The following ZNF799 variants were observed in gnomAD, a reference collection of about 807,000 sequenced individuals.
ZNF799 encodes the protein zinc finger protein 14.
Under a neutral mutation model 41.0 loss-of-function variants are expected in ZNF799, and 28 were observed. The observed-to-expected ratio is 0.68, with a 90% confidence interval of 0.51 to 0.94. ZNF799 has a LOEUF of 0.94. ZNF799 is among the 40% of genes least tolerant of loss of function. ZNF799 has a pLI of 0.00. For synonymous variants in ZNF799, 213 were observed against 252.9 expected (o/e 0.84, Z 1.50); for missense variants, 716 against 764.3 (o/e 0.94, Z 0.74).
intron 1 of ZNF799, among the ~76,000 whole-genome samples, chr19:12,395,942 C>T (rs569563917): frequency 6.6e-6 from 1 of 152,362 alleles, no homozygotes; most frequent in South Asian, 2.1e-4. Flanking sequence ...GATGAACACA[C>T]ACTAAAGAAC....
chr19:12,397,578 AAAAG>A (rs930565021), intron 1 of ZNF799, among the ~76,000 whole-genome samples: 56 of 150,644 alleles, frequency 3.7e-4, no homozygotes, highest in Middle Eastern at 3.4e-3. Context: ...AAAAAAAAAA[AAAAG>A]AAAGAAAGAA....
At chr19:12,400,006 C>G (rs914880466) in intron 1 of ZNF799, among the ~76,000 whole-genome samples, 1 of 152,154 alleles carries the variant, frequency 6.6e-6, no homozygotes, top group East Asian at 1.9e-4. Flanking sequence ...AACAAGATGA[C>G]AAACTAGTGA....
the ZNF799 span, among the ~76,000 whole-genome samples, chr19:12,408,384 T>C: frequency 6.6e-6 from 1 of 152,124 alleles, no homozygotes; most frequent in South Asian, 2.1e-4. Flanking sequence ...ATAACACAAT[T>C]ACATATGTAC....
the ZNF799 span, among the ~76,000 whole-genome samples, chr19:12,408,745 A>G: frequency 1.3e-5 from 2 of 152,252 alleles, no homozygotes; most frequent in Non-Finnish European, 2.9e-5. Flanking sequence ...ATCAAAATGC[A>G]TAAGGTGGCT....
the ZNF799 span, among the ~76,000 whole-genome samples, chr19:12,412,034 C>T: frequency 1.1e-4 from 16 of 152,160 alleles, no homozygotes; most frequent in African/African-American, 3.9e-4. Flanking sequence ...CCAGATATCT[C>T]CCTTACGTAA....
chr19:12,412,238 C>A, the ZNF799 span, among the ~76,000 whole-genome samples: 1 of 152,162 alleles, frequency 6.6e-6, no homozygotes, highest in African/African-American at 2.4e-5. Context: ...GGTTGGGTAA[C>A]CCCTGGGCCC....
chr19:12,406,110 C>A (rs1970027604), upstream of ZNF799, among the ~76,000 whole-genome samples: 1 of 138,552 alleles, frequency 7.2e-6, no homozygotes. Context: ...GCGGAGGTTG[C>A]AGTGAGCCAA....
In ZNF799 at chr19:12,396,821, T is replaced by G. The variant is rs2144899247; in HGVS notation, c.4-3398A>C. ...AATCTAATGGGGAAAAAAAAAGGAA[T>G]GAAATTGAGAGAATGTGTTACTGGT... is the stretch of plus-strand genomic sequence containing the variant. On this transcript the variant is annotated intron_variant, in intron 1 of 3. Coordinates refer to ENST00000430385, the MANE Select transcript of ZNF799 (RefSeq NM_001080821.3). Among the ~76,000 whole-genome samples, 4 of 148,900 alleles carry G rather than the reference T, an allele frequency of 2.7e-5. No individual in the cohort carries two copies. The Middle Eastern group carries it at 0.014, about 532-fold the overall frequency.
In ZNF799 at chr19:12,401,061, C is replaced by T. The variant is rs1324547252; in HGVS notation, c.3+7G>A. Reference sequence around the variant, plus strand: ...CCCGCCTCGGGACGCCGGCCCAGCACACGCACCATTTCCCGACTTCCGCGG... The same window carrying T: ...CCCGCCTCGGGACGCCGGCCCAGCATACGCACCATTTCCCGACTTCCGCGG... On this transcript the variant is annotated splice_region_variant and intron_variant, in intron 1 of 3. Transcript: ENST00000430385. The T allele has an allele frequency of 6.2e-7, 1 of 1,613,894 alleles. No homozygotes were observed. The highest frequency in any genetic ancestry group is 1.3e-5 in the African/African-American group (1 of 74,946).
chr19:12,396,859 C>T (rs2144899303), intron 1 of ZNF799, among the ~76,000 whole-genome samples: 1 of 151,474 alleles, frequency 6.6e-6, no homozygotes, highest in African/African-American at 2.4e-5. Context: ...ACTTGTCTTG[C>T]CAATAATGTT....
At chr19:12,409,973 C>A in the ZNF799 span, among the ~76,000 whole-genome samples, 20 of 152,064 alleles carry the variant, frequency 1.3e-4, 1 homozygote, top group South Asian at 1.7e-3. Flanking sequence ...ATGGCAAAAC[C>A]CTGTCTCTAC....
the ZNF799 span, among the ~76,000 whole-genome samples, chr19:12,411,265 G>T: frequency 6.6e-6 from 1 of 152,166 alleles, no homozygotes; most frequent in Non-Finnish European, 1.5e-5. Context: ...GTGGTAATCT[G>T]TTATAATAGC....
the ZNF799 span, among the ~76,000 whole-genome samples, chr19:12,412,715 T>G: frequency 6.6e-6 from 1 of 151,954 alleles, no homozygotes; most frequent in African/African-American, 2.4e-5. Context: ...GGTCTTCTGA[T>G]CCACGGCCCA....
At chr19:12,402,416 C>CTTTTTTTT (rs745521629), upstream of ZNF799, among the ~76,000 whole-genome samples, 5 of 125,044 alleles carry the variant, frequency 4.0e-5, no homozygotes, top group Non-Finnish European at 6.5e-5. Flanking sequence ...CCCTTTATTT[C>CTTTTTTTT]TTTTTTTTTT....
chr19:12,405,294 G>GA (rs1286592965), upstream of ZNF799, among the ~76,000 whole-genome samples: 2 of 151,974 alleles, frequency 1.3e-5, no homozygotes, highest in African/African-American at 2.4e-5. Context: ...AATCCTGGGG[G>GA]AAAAAAGTTG....
In ZNF799 at chr19:12,401,208, G is replaced by A. The variant is rs1002601144; in HGVS notation, c.-138C>T. The A allele has an allele frequency of 3.3e-6, 5 of 1,531,896 alleles. No individual in the cohort carries two copies. The highest frequency in any genetic ancestry group is 1.2e-5 in the South Asian group (1 of 82,580). The allele number at this position is 1,531,896 out of a possible 1,614,324, so 94.9% of individuals were successfully genotyped here. On this transcript the variant is annotated 5_prime_UTR_variant, in exon 1 of 4. Transcript: ENST00000430385. Reference sequence around the variant, plus strand: ...CGAGCACCGAGCGCCCAGCGCAGGTGGGTGGAGAAGACGCCGCGGGCTTTT... The same window carrying A: ...CGAGCACCGAGCGCCCAGCGCAGGTAGGTGGAGAAGACGCCGCGGGCTTTT...
chr19:12,402,416 C>CTTT (rs745521629), upstream of ZNF799, among the ~76,000 whole-genome samples: 17,482 of 124,828 alleles, frequency 0.14, 1,688 homozygotes, highest in Non-Finnish European at 0.19. Context: ...CCCTTTATTT[C>CTTT]TTTTTTTTTT....
chr19:12,401,357 T>C, upstream of ZNF799: 1 of 897,394 alleles, frequency 1.1e-6, no homozygotes, highest in Non-Finnish European at 1.6e-6. Context: ...AGAAGCGATC[T>C]TGCACAGCTG....
intron 2 of ZNF799, 63 bp from the exon 3 acceptor site, chr19:12,392,726 T>G: frequency 1.5e-6 from 2 of 1,319,258 alleles, no homozygotes; most frequent in Non-Finnish European, 2.2e-6. Flanking sequence ...AACAGTAACA[T>G]TTTGATGTAC....
Sources: gnomAD v4.1 joint callset for allele counts (sites outside exome capture counted in the v4.1 genomes callset) on GRCh38, gnomAD v4.1.1 for gene constraint, MANE v1.5 for transcripts, NCBI Gene and HGNC (gene_info 2026-07-23, HGNC 2026-07-21) for gene names.